The following XRRA1 variants were observed in gnomAD, a reference collection of about 807,000 sequenced individuals.
XRRA1 encodes X-ray radiation resistance-associated protein 1.
Under a neutral mutation model 80.2 loss-of-function variants are expected in XRRA1, and 69 were observed. The ratio of observed to expected loss-of-function variants is 0.86; its 90% confidence interval spans 0.71 to 1.05. XRRA1 has a LOEUF of 1.05. Ranked by LOEUF, XRRA1 falls within the 50% of genes least tolerant of loss-of-function variation. The probability of loss-of-function intolerance (pLI) is 0.00; values close to 1 mark genes in which losing one functional copy is unlikely to be tolerated. For missense variants in XRRA1, 967 were observed against 976.4 expected (o/e 0.99, Z 0.13); for synonymous variants, 348 against 389.9 (o/e 0.89, Z 1.27).
At chr11:74,905,900 A>G (rs2054481843) in intron 10 of XRRA1, among the ~76,000 whole-genome samples, 1 of 152,222 alleles carries the variant, frequency 6.6e-6, no homozygotes, top group African/African-American at 2.4e-5. Flanking sequence ...TTCTACAAAG[A>G]AAACTCCAGG....
chr11:74,943,538 T>A (rs1357579009), intron 2 of XRRA1, among the ~76,000 whole-genome samples: 2 of 149,522 alleles, frequency 1.3e-5, no homozygotes, highest in Non-Finnish European at 3.0e-5. Context: ...TGTGTGTGTG[T>A]GTGTGTGTGT....
intron 12 of XRRA1, among the ~76,000 whole-genome samples, chr11:74,857,652 G>C (rs1256121173): frequency 2.6e-5 from 4 of 152,134 alleles, no homozygotes; most frequent in Non-Finnish European, 1.5e-5. Context: ...CAAAACTGCA[G>C]AATATACATA....
chr11:74,942,733 T>TA (rs999410923), intron 2 of XRRA1, among the ~76,000 whole-genome samples: 160 of 152,350 alleles, frequency 1.1e-3, no homozygotes, highest in African/African-American at 3.7e-3. Flanking sequence ...ATGTAGACAG[T>TA]AAGTGCACCT....
In XRRA1 at chr11:74,881,304, T is replaced by C. The variant is rs2047514699; in HGVS notation, c.1004-18283A>G. Among the ~76,000 whole-genome samples, 4 of 151,828 alleles carry C rather than the reference T, an allele frequency of 2.6e-5. No individual in the cohort carries two copies. The South Asian group carries it at 8.3e-4, about 31-fold the overall frequency. On this transcript the variant is annotated intron_variant, in intron 10 of 18. Transcript: ENST00000684022. Reference sequence around the variant, plus strand: ...TGCAACCCCTGCCTTTTTTTTGTTTTCCATTTGCTTGGTAGATCTTCCTCC... The same window carrying C: ...TGCAACCCCTGCCTTTTTTTTGTTTCCCATTTGCTTGGTAGATCTTCCTCC...
chr11:74,843,048 G>C lies in XRRA1; in HGVS notation c.*152C>G. ...GGCCAAGGAGGGGAGATCCTGACAA[G>C]GGGATGCCACCTTGTGGCCAGCAAG... On this transcript the variant is annotated 3_prime_UTR_variant, in exon 19 of 19. Transcript: ENST00000684022. The C allele has an allele frequency of 9.2e-7, 1 of 1,089,656 alleles. No individual in the cohort carries two copies. Among genetic ancestry groups the C allele is most frequent in the Non-Finnish European group, 1.3e-6 (1 of 784,272 alleles). 67.5% of individuals were successfully genotyped at this position (1,089,656 alleles called of 1,614,324 possible).
chr11:74,930,392 A>G lies in XRRA1; in HGVS notation c.352-20T>C, dbSNP rs1212589441. 6 of 525,386 alleles carry G rather than the reference A, an allele frequency of 1.1e-5. No homozygotes were observed. The highest frequency in any genetic ancestry group is 5.3e-5 in the Admixed American group (1 of 18,794). 32.5% of individuals were successfully genotyped at this position (525,386 alleles called of 1,614,324 possible). On this transcript the variant is annotated intron_variant, in intron 5 of 18. Coordinates refer to ENST00000684022, the MANE Select transcript of XRRA1 (RefSeq NM_001378157.1). ...CTTGGCCTGTAGGAAAGCATTTCAG[A>G]AAAAAAAAAAAATCCACAAGATTAG... is the stretch of plus-strand genomic sequence containing the variant.
At chr11:74,894,204 A>G (rs924776446) in intron 10 of XRRA1, among the ~76,000 whole-genome samples, 5 of 152,194 alleles carry the variant, frequency 3.3e-5, no homozygotes, top group Admixed American at 3.3e-4. Flanking sequence ...AGTGGGAGCT[A>G]AACATCAAGT....
At chr11:74,864,571 A>G (rs889255926) in intron 10 of XRRA1, among the ~76,000 whole-genome samples, 1 of 152,226 alleles carries the variant, frequency 6.6e-6, no homozygotes, top group African/African-American at 2.4e-5. Flanking sequence ...GTTCAAGCCT[A>G]GAAACACCCC....
intron 10 of XRRA1, among the ~76,000 whole-genome samples, chr11:74,889,115 A>G (rs1432767425): frequency 6.6e-6 from 1 of 152,180 alleles, no homozygotes; most frequent in Non-Finnish European, 1.5e-5. Context: ...GATTCACCAA[A>G]GTTGAAATGA....
At chr11:74,931,131 C>T (rs866358748) in intron 5 of XRRA1, among the ~76,000 whole-genome samples, 3 of 149,504 alleles carry the variant, frequency 2.0e-5, no homozygotes, top group East Asian at 2.0e-4. Context: ...TATGCTTATA[C>T]GTGTGTGTGT....
intron 8 of XRRA1, chr11:74,918,875 C>T (rs1041320891): frequency 6.6e-6 from 1 of 152,218 alleles, no homozygotes. Flanking sequence ...CAGTACTAAC[C>T]ATGGTAACTG....
intron 7 of XRRA1, among the ~76,000 whole-genome samples, chr11:74,925,821 G>A (rs1345755808): frequency 6.6e-6 from 1 of 152,140 alleles, no homozygotes; most frequent in Non-Finnish European, 1.5e-5. Flanking sequence ...AATGGTAGGG[G>A]AAGAAGACAA....
At chr11:74,851,944 C>T in intron 13 of XRRA1, 45 bp downstream of exon 13, 1 of 1,549,456 alleles carries the variant, frequency 6.5e-7, no homozygotes, top group Non-Finnish European at 8.9e-7. Context: ...CCACACTGCT[C>T]CTTGGGCACT....
chr11:74,891,332 G>A (rs2050636696), intron 10 of XRRA1, among the ~76,000 whole-genome samples: 1 of 152,202 alleles, frequency 6.6e-6, no homozygotes, highest in African/African-American at 2.4e-5. Context: ...ATGCAGAAAA[G>A]GCCTTTGACA....
At chr11:74,887,757 G>C (rs1422970193) in intron 10 of XRRA1, among the ~76,000 whole-genome samples, 1 of 152,080 alleles carries the variant, frequency 6.6e-6, no homozygotes, top group African/African-American at 2.4e-5. Context: ...CTTAGCAAAC[G>C]GCACACCAAG....
At position 74,929,852 on chromosome 11, in the gene XRRA1, AACCATGAGCTC is replaced by A. The variant is rs571691947; in HGVS notation, c.424+437_424+447del. On this transcript the variant is annotated intron_variant, in intron 6 of 18. Coordinates refer to ENST00000684022, the MANE Select transcript of XRRA1 (RefSeq NM_001378157.1). ...GTATCTGAGTCCATCTCTCTCACCA[AACCATGAGCTC>A]ACCAGAGCAGGACTGTATGCACTCA... 9.2e-5 allele frequency among the ~76,000 whole-genome samples: 14 copies of A among 152,234 alleles called. No homozygotes were observed. The South Asian group carries it at 2.9e-3, about 32-fold the overall frequency.
chr11:74,882,395 C>T (rs2047879011), intron 10 of XRRA1, among the ~76,000 whole-genome samples: 1 of 151,266 alleles, frequency 6.6e-6, no homozygotes, highest in African/African-American at 2.4e-5. Context: ...ATTGGTTATT[C>T]TAGTTATACA....
intron 10 of XRRA1, among the ~76,000 whole-genome samples, chr11:74,870,069 G>T (rs1452561067): frequency 6.6e-6 from 1 of 152,122 alleles, no homozygotes; most frequent in Non-Finnish European, 1.5e-5. Context: ...TTCATTTTGG[G>T]GCCTTCTGCC....
chr11:74,874,665 A>C lies in XRRA1; in HGVS notation c.1004-11644T>G, dbSNP rs78133852. On this transcript the variant is annotated intron_variant, in intron 10 of 18. Transcript: ENST00000684022. Reference sequence around the variant, plus strand: ...TTGGCTAACAGAAAGCTGACTCCCTAAATATCAGGCTCTGATATTAGAAGG... The same window carrying C: ...TTGGCTAACAGAAAGCTGACTCCCTCAATATCAGGCTCTGATATTAGAAGG... 3.8e-4 allele frequency among the ~76,000 whole-genome samples: 58 copies of C among 152,346 alleles called. No homozygotes were observed. In the East Asian group the frequency reaches 8.5e-3, roughly 22 times the overall value.
Sources: allele counts gnomAD v4.1 joint callset (sites outside exome capture counted in the v4.1 genomes callset), GRCh38; gene constraint gnomAD v4.1.1; transcripts MANE v1.5; gene names NCBI Gene and HGNC (gene_info 2026-07-23, HGNC 2026-07-21).